The following FRMD5 variants were observed in gnomAD, a reference collection of about 807,000 sequenced individuals.
The protein encoded by FRMD5 is FERM domain-containing protein 5.
In FRMD5, 20 loss-of-function variants were observed where a neutral mutation model predicts 69.0. The ratio of observed to expected loss-of-function variants is 0.29; its 90% CI spans 0.20 to 0.42. FRMD5 has a LOEUF of 0.42. FRMD5 is among the 10% of genes least tolerant of loss of function. The probability of loss-of-function intolerance (pLI) is 1.00; values close to 1 mark genes in which losing one functional copy is unlikely to be tolerated. For synonymous variants in FRMD5, 271 were observed against 260.1 expected (o/e 1.04, Z -0.40); for missense variants, 595 against 708.6 (o/e 0.84, Z 1.82).
intron 1 of FRMD5, among the ~76,000 whole-genome samples, chr15:44,094,394 C>T (rs2076520988): frequency 6.6e-6 from 1 of 152,160 alleles, no homozygotes; most frequent in African/African-American, 2.4e-5. Flanking sequence ...ACCTCTACAT[C>T]CTTATAATAA....
chr15:43,982,037 TG>T (rs1442463486), intron 1 of FRMD5, among the ~76,000 whole-genome samples: 1 of 152,252 alleles, frequency 6.6e-6, no homozygotes, highest in African/African-American at 2.4e-5. Context: ...ATGGCTCTCA[TG>T]ACTTTTTCTA....
At chr15:43,970,612 A>G (rs1021622389) in intron 1 of FRMD5, among the ~76,000 whole-genome samples, 1 of 152,038 alleles carries the variant, frequency 6.6e-6, no homozygotes, top group African/African-American at 2.4e-5. Context: ...CAGACACCAC[A>G]CTTGGCTAAT....
intron 1 of FRMD5, among the ~76,000 whole-genome samples, chr15:43,951,078 TTC>T (rs1160563994): frequency 1.3e-5 from 2 of 152,162 alleles, no homozygotes; most frequent in Admixed American, 6.5e-5. Context: ...CATTTATCAT[TTC>T]TCTGTTTTGA....
chr15:43,875,940 G>A lies in FRMD5; in HGVS notation c.1136-1478C>T, dbSNP rs2088342286. 3.1e-6 allele frequency: 4 copies of A among 1,279,706 alleles called. No homozygotes were observed. The African/African-American group carries it at 4.4e-5, about 14-fold the overall frequency. The allele number at this position is 1,279,706 out of a possible 1,614,324, so 79.3% of individuals were successfully genotyped here. Reference sequence around the variant, plus strand: ...CACAGGCTTATCCATCACACTTATAGGCAAGGCAAATGCTGCTTCTTGAAA... The same window carrying A: ...CACAGGCTTATCCATCACACTTATAAGCAAGGCAAATGCTGCTTCTTGAAA... On this transcript the variant is annotated intron_variant, in intron 13 of 13. Transcript: ENST00000417257.
At chr15:43,941,231 G>A (rs2089857694) in intron 1 of FRMD5, among the ~76,000 whole-genome samples, 1 of 152,154 alleles carries the variant, frequency 6.6e-6, no homozygotes, top group Admixed American at 6.5e-5. Flanking sequence ...AGCCAGGTGT[G>A]GTAACGTGTG....
chr15:43,969,227 G>A (rs1269246019), intron 1 of FRMD5, among the ~76,000 whole-genome samples: 1 of 151,744 alleles, frequency 6.6e-6, no homozygotes, highest in Non-Finnish European at 1.5e-5. Flanking sequence ...GACTACAGGC[G>A]TACACCACCA....
At chr15:44,122,835 G>T (rs2076972883) in intron 1 of FRMD5, among the ~76,000 whole-genome samples, 1 of 151,938 alleles carries the variant, frequency 6.6e-6, no homozygotes, top group Non-Finnish European at 1.5e-5. Flanking sequence ...AGCTTGCAGT[G>T]AGCTGAGATC....
chr15:44,006,839 T>C (rs532096916), intron 1 of FRMD5, among the ~76,000 whole-genome samples: 103 of 152,374 alleles, frequency 6.8e-4, no homozygotes, highest in African/African-American at 2.4e-3. Context: ...GCTGTGAACA[T>C]TGTTGAAATG....
chr15:43,880,581 C>G (rs56312025), intron 13 of FRMD5, among the ~76,000 whole-genome samples: 2,241 of 152,366 alleles, frequency 0.015, 24 homozygotes, highest in Middle Eastern at 0.044. Context: ...AACCTGATGT[C>G]CATCTCCCTC....
chr15:44,167,312 G>A (rs539934528), intron 1 of FRMD5, among the ~76,000 whole-genome samples: 1 of 151,910 alleles, frequency 6.6e-6, no homozygotes, highest in Non-Finnish European at 1.5e-5. Context: ...AGGTTGCAGT[G>A]AGCCAAGATC....
intron 1 of FRMD5, among the ~76,000 whole-genome samples, chr15:44,019,781 A>AAAAG (rs1382837168): frequency 6.6e-6 from 1 of 151,032 alleles, no homozygotes; most frequent in East Asian, 1.9e-4. Context: ...AAGAAAAGAA[A>AAAAG]AAAGAAAGAA....
chr15:43,918,647 C>G (rs1312572090), intron 4 of FRMD5, among the ~76,000 whole-genome samples: 1 of 152,140 alleles, frequency 6.6e-6, no homozygotes, highest in Non-Finnish European at 1.5e-5. Context: ...TCTAGGATTC[C>G]CTGGCATCAC....
At chr15:43,932,770 C>T (rs1349041729) in intron 1 of FRMD5, among the ~76,000 whole-genome samples, 1 of 152,214 alleles carries the variant, frequency 6.6e-6, no homozygotes, top group Non-Finnish European at 1.5e-5. Context: ...GGGCACTGCA[C>T]AACAGGATAT....
At chr15:44,169,360 T>C (rs1297278311) in intron 1 of FRMD5, among the ~76,000 whole-genome samples, 1 of 152,084 alleles carries the variant, frequency 6.6e-6, no homozygotes, top group Non-Finnish European at 1.5e-5. Flanking sequence ...AATGATTCCT[T>C]TGGAATTAGA....
chr15:43,891,934 C>G (rs765556637), intron 8 of FRMD5, 47 bp downstream of exon 8: 3 of 1,512,112 alleles, frequency 2.0e-6, no homozygotes, highest in East Asian at 2.3e-5. Flanking sequence ...CGCCCCTCCC[C>G]AGTTGGTGAG....
chr15:43,883,927 T>C, intron 12 of FRMD5, 118 bp from the exon 13 acceptor site: 1 of 731,690 alleles, frequency 1.4e-6, no homozygotes, highest in Middle Eastern at 2.3e-4. Context: ...GGTCTCTCTC[T>C]TTTTTAAAAT....
chr15:44,086,014 T>C (rs745520372), intron 1 of FRMD5, among the ~76,000 whole-genome samples: 2 of 152,142 alleles, frequency 1.3e-5, no homozygotes, highest in Non-Finnish European at 2.9e-5. Flanking sequence ...CCTGTCATAT[T>C]CAGGAGATAA....
intron 1 of FRMD5, among the ~76,000 whole-genome samples, chr15:43,969,395 C>G (rs1248932218): frequency 1.3e-5 from 2 of 152,222 alleles, no homozygotes; most frequent in South Asian, 2.1e-4. Flanking sequence ...CATCTTTATT[C>G]TTCAATCATT....
Position 43,919,531 on chromosome 15 carries a change from G to C in FRMD5, c.257C>G (p.Pro86Arg). 6.2e-7 allele frequency: 1 copy of C among 1,613,960 alleles called. No individual in the cohort carries two copies. Among genetic ancestry groups the C allele is most frequent in the Non-Finnish European group, 8.5e-7 (1 of 1,180,012 alleles). ...CACACGGAAGCACATGGTGAATGGA[G>C]GCTGGGCTGCAGAGAAAAAGAGGTG... ...KSVVKQLRSQ[P>R]PFTMCFRVKF... The change falls in exon 4 of 14, where the codon CCT becomes CGT. Residue 86 changes from proline (P) to arginine (R), a missense_variant. By Grantham distance (103) the Pro-to-Arg change is moderately radical (BLOSUM62 -2). Coordinates refer to ENST00000417257, the MANE Select transcript of FRMD5 (RefSeq NM_032892.5).
Sources: allele counts gnomAD v4.1 joint callset (sites outside exome capture counted in the v4.1 genomes callset), GRCh38; gene constraint gnomAD v4.1.1; transcripts MANE v1.5; gene names NCBI Gene and HGNC (gene_info 2026-07-23, HGNC 2026-07-21).